Variants in PTPRD observed in about 807,000 individuals in gnomAD.
PTPRD encodes protein tyrosine phosphatase receptor type D, also known as receptor-type tyrosine-protein phosphatase delta.
Under a neutral mutation model 214.5 loss-of-function variants are expected in PTPRD, and 34 were observed. That is an observed-to-expected ratio of 0.16 (90% CI 0.12 to 0.21). The LOEUF (loss-of-function observed/expected upper bound fraction) is 0.21, where lower values mean the gene tolerates loss of function less well. PTPRD is among the 10% of genes least tolerant of loss of function. The probability of loss-of-function intolerance (pLI) is 1.00; values close to 1 mark genes in which losing one functional copy is unlikely to be tolerated. For synonymous variants in PTPRD, 1,128 were observed against 845.7 expected, an observed-to-expected ratio of 1.33 and a Z score of -5.79; for missense variants, 2,545 against 2,398.7, an observed-to-expected ratio of 1.06 and a Z score of -1.27.
At position 9,370,285 on chromosome 9, in the gene PTPRD, C is replaced by G. The variant is rs1223698518; in HGVS notation, c.-203+27164G>C. 3.3e-5 allele frequency among the ~76,000 whole-genome samples: 5 copies of G among 151,818 alleles called. No homozygotes were observed. In the South Asian group the frequency reaches 6.2e-4, roughly 19 times the overall value. On this transcript the variant is annotated intron_variant, in intron 9 of 45. Transcript: ENST00000381196. ...ATTTGTTTGTGTCCTCTTTTATTTCCCTGAGCAGTGGTTTGTAGTTCTCCT... is the reference window on the plus strand; with the variant it reads ...ATTTGTTTGTGTCCTCTTTTATTTCGCTGAGCAGTGGTTTGTAGTTCTCCT...
At chr9:10,017,119 CAT>C (rs1457453737) in intron 4 of PTPRD, among the ~76,000 whole-genome samples, 6 of 152,304 alleles carry the variant, frequency 3.9e-5, no homozygotes, top group East Asian at 3.9e-4. Flanking sequence ...CAATCATACA[CAT>C]GTTTACTAAC....
At chr9:9,469,718 T>A (rs2094461945) in intron 8 of PTPRD, among the ~76,000 whole-genome samples, 1 of 152,182 alleles carries the variant, frequency 6.6e-6, no homozygotes, top group Non-Finnish European at 1.5e-5. Flanking sequence ...TGTTTCTTCT[T>A]GAAGTTTTTA....
At chr9:8,336,644 A>G (rs961808387) in intron 43 of PTPRD, among the ~76,000 whole-genome samples, 1 of 150,228 alleles carries the variant, frequency 6.7e-6, no homozygotes, top group Admixed American at 6.6e-5. Context: ...AAAAAAAAAA[A>G]AACTACCATC....
chr9:10,489,998 C>T (rs769168546), intron 2 of PTPRD, among the ~76,000 whole-genome samples: 6 of 152,162 alleles, frequency 3.9e-5, no homozygotes, highest in South Asian at 4.1e-4. Context: ...CTTATGAAGG[C>T]GCATTGTTTT....
At chr9:9,431,369 A>C (rs907534390) in intron 8 of PTPRD, among the ~76,000 whole-genome samples, 1 of 152,168 alleles carries the variant, frequency 6.6e-6, no homozygotes, top group African/African-American at 2.4e-5. Context: ...ATCTCACACC[A>C]GTTAGAATGG....
At chr9:10,408,462 T>C (rs552264111) in intron 2 of PTPRD, among the ~76,000 whole-genome samples, 8 of 151,796 alleles carry the variant, frequency 5.3e-5, no homozygotes, top group African/African-American at 1.9e-4. Context: ...GGAATCTCAG[T>C]AACTTTCAAT....
chr9:9,225,866 A>G (rs912694858), intron 9 of PTPRD, among the ~76,000 whole-genome samples: 10 of 152,146 alleles, frequency 6.6e-5, no homozygotes, highest in African/African-American at 1.9e-4. Flanking sequence ...ATATAGTATC[A>G]TATTGATGCA....
chr9:10,394,665 C>A (rs529275698), intron 2 of PTPRD, among the ~76,000 whole-genome samples: 5 of 151,940 alleles, frequency 3.3e-5, no homozygotes, highest in Admixed American at 6.6e-5. Flanking sequence ...TGATTAATAA[C>A]CTTCATAAAA....
At chr9:8,880,539 G>C (rs2098436842) in intron 11 of PTPRD, among the ~76,000 whole-genome samples, 1 of 152,162 alleles carries the variant, frequency 6.6e-6, no homozygotes, top group East Asian at 1.9e-4. Flanking sequence ...TTAATCTGAG[G>C]GTGCCTATTG....
chr9:8,652,807 A>G (rs568061842), intron 12 of PTPRD, among the ~76,000 whole-genome samples: 10 of 152,312 alleles, frequency 6.6e-5, no homozygotes, highest in African/African-American at 2.4e-4. Flanking sequence ...GAGTAACAGA[A>G]GCATTTGGGA....
At chr9:9,438,612 A>G (rs575404641) in intron 8 of PTPRD, among the ~76,000 whole-genome samples, 2 of 152,308 alleles carry the variant, frequency 1.3e-5, no homozygotes, top group South Asian at 4.1e-4. Flanking sequence ...AAGTCTCTGG[A>G]CTATGATGCC....
At chr9:9,477,659 G>T (rs1349382628) in intron 8 of PTPRD, among the ~76,000 whole-genome samples, 1 of 152,040 alleles carries the variant, frequency 6.6e-6, no homozygotes, top group African/African-American at 2.4e-5. Flanking sequence ...TCCGTGCAAG[G>T]AACTACTACT....
intron 9 of PTPRD, among the ~76,000 whole-genome samples, chr9:9,328,120 A>G (rs1439806711): frequency 6.6e-6 from 1 of 152,140 alleles, no homozygotes; most frequent in Admixed American, 6.6e-5. Context: ...AATTTAGATT[A>G]AGTAGATTTG....
intron 3 of PTPRD, among the ~76,000 whole-genome samples, chr9:10,273,067 A>C (rs1205195145): frequency 2.0e-5 from 3 of 152,186 alleles, no homozygotes. Flanking sequence ...ATGTGTATGC[A>C]GCTGTTTTCC....
chr9:8,859,925 G>C (rs1221523011), intron 11 of PTPRD: 1 of 152,062 alleles, frequency 6.6e-6, no homozygotes, highest in Non-Finnish European at 1.5e-5. Context: ...CTTCAAACGA[G>C]GTTTACCCTC....
At chr9:9,232,625 T>G (rs1246715174) in intron 9 of PTPRD, among the ~76,000 whole-genome samples, 1 of 152,172 alleles carries the variant, frequency 6.6e-6, no homozygotes, top group Non-Finnish European at 1.5e-5. Context: ...GGAATTGCAT[T>G]TTTTATAAGT....
chr9:9,352,585 G>C (rs2051846297), intron 9 of PTPRD, among the ~76,000 whole-genome samples: 1 of 151,768 alleles, frequency 6.6e-6, no homozygotes, highest in Non-Finnish European at 1.5e-5. Flanking sequence ...AGCTGGTTAA[G>C]TTTTATTTGT....
intron 35 of PTPRD, among the ~76,000 whole-genome samples, chr9:8,433,567 T>G (rs1038009726): frequency 8.5e-5 from 13 of 152,172 alleles, no homozygotes; most frequent in Non-Finnish European, 1.5e-4. Context: ...ATTCTGACTC[T>G]GTGTAGGCCT....
chr9:9,588,469 T>C (rs1189801059), intron 7 of PTPRD, among the ~76,000 whole-genome samples: 1 of 151,926 alleles, frequency 6.6e-6, no homozygotes, highest in Non-Finnish European at 1.5e-5. Flanking sequence ...TCATAGCCAC[T>C]TCATGTGCCA....
Sources: allele counts gnomAD v4.1 joint callset (sites outside exome capture counted in the v4.1 genomes callset), GRCh38; gene constraint gnomAD v4.1.1; transcripts MANE v1.5; gene names NCBI Gene and HGNC (gene_info 2026-07-23, HGNC 2026-07-21).